The following TRIM64B variants were observed in gnomAD, a reference collection of about 807,000 sequenced individuals.
TRIM64B encodes the protein tripartite motif containing 64B.
For synonymous variants in TRIM64B, 17 were observed against 190.3 expected (o/e 0.09, Z 7.50); for missense variants, 57 against 536.4 (o/e 0.11, Z 8.83).
chr11:89,876,772 C>A (rs1950167581), upstream of TRIM64B, among the ~76,000 whole-genome samples: 1 of 149,444 alleles, frequency 6.7e-6, no homozygotes, highest in East Asian at 2.0e-4. Flanking sequence ...TTTTTTCTCC[C>A]TGTAAATATT....
intron 1 of TRIM64B, among the ~76,000 whole-genome samples, chr11:89,875,406 C>A (rs1184424626): frequency 6.6e-6 from 1 of 152,304 alleles, no homozygotes; most frequent in Non-Finnish European, 1.5e-5. Flanking sequence ...CTAAGGAGAC[C>A]TCCTTTAGTG....
At chr11:89,873,073 T>C (rs1208776753) in intron 4 of TRIM64B, among the ~76,000 whole-genome samples, 195 bp downstream of exon 5, 2 of 152,130 alleles carry the variant, frequency 1.3e-5, no homozygotes, top group African/African-American at 4.8e-5. Flanking sequence ...GCAAATTGTT[T>C]TTATGTATGT....
upstream of TRIM64B, among the ~76,000 whole-genome samples, chr11:89,877,615 T>TTTTTC (rs1950173430): frequency 2.0e-5 from 3 of 147,444 alleles, no homozygotes; most frequent in African/African-American, 7.5e-5. Context: ...TTTTCTTTTT[T>TTTTTC]TTTTTTTTTT....
At chr11:89,875,939 T>A in exon 1 of TRIM64B, 1 of 1,545,512 alleles carries the variant, frequency 6.5e-7, no homozygotes, top group Non-Finnish European at 8.7e-7. Flanking sequence ...CAGTCAATGG[T>A]GACCGGATCT....
At chr11:89,876,721 C>CAAAA (rs57069977), upstream of TRIM64B, among the ~76,000 whole-genome samples, 2 of 106,070 alleles carry the variant, frequency 1.9e-5, no homozygotes, top group Non-Finnish European at 2.1e-5. Context: ...GACTCTGTCT[C>CAAAA]AAAAAAAAAA....
At chr11:89,872,704 T>C (rs1281523228) in intron 4 of TRIM64B, among the ~76,000 whole-genome samples, 1 of 151,794 alleles carries the variant, frequency 6.6e-6, no homozygotes, top group South Asian at 2.1e-4. Context: ...TAACAGAGAA[T>C]GTTCACTGAG....
At chr11:89,876,279 T>G (rs1215117481), upstream of TRIM64B, among the ~76,000 whole-genome samples, 23 of 142,342 alleles carry the variant, frequency 1.6e-4, no homozygotes, top group African/African-American at 5.5e-4. Flanking sequence ...TTCAAGTCTC[T>G]TATTAGTAAA....
At chr11:89,877,141 TCAGA>T (rs1192799152), upstream of TRIM64B, among the ~76,000 whole-genome samples, 1 of 120,762 alleles carries the variant, frequency 8.3e-6, no homozygotes, top group Non-Finnish European at 1.8e-5. Flanking sequence ...TGAAGTTTGC[TCAGA>T]CAATTATAAA....
At chr11:89,875,385 G>T (rs1199680351) in intron 1 of TRIM64B, among the ~76,000 whole-genome samples, 3 of 152,384 alleles carry the variant, frequency 2.0e-5, no homozygotes, top group Admixed American at 2.0e-4. Context: ...CTACACGTTT[G>T]AACAATGTTT....
At chr11:89,871,419 A>C (rs1451581478) in intron 5 of TRIM64B, among the ~76,000 whole-genome samples, 1 of 152,214 alleles carries the variant, frequency 6.6e-6, no homozygotes, top group Non-Finnish European at 1.5e-5. Context: ...TTCAATAGAA[A>C]ACTCTCCTTG....
upstream of TRIM64B, among the ~76,000 whole-genome samples, chr11:89,876,329 A>G (rs1198296999): frequency 6.9e-6 from 1 of 145,742 alleles, no homozygotes; most frequent in Non-Finnish European, 1.5e-5. Flanking sequence ...ATCCTCCTGA[A>G]TACTTTATGT....
At chr11:89,876,498 G>A (rs1315461352), upstream of TRIM64B, among the ~76,000 whole-genome samples, 8 of 149,518 alleles carry the variant, frequency 5.4e-5, no homozygotes, top group South Asian at 6.3e-4. Flanking sequence ...CGAGGCGGGC[G>A]GATCACGAGG....
upstream of TRIM64B, among the ~76,000 whole-genome samples, chr11:89,877,597 C>T (rs1234972757): frequency 6.8e-6 from 1 of 146,540 alleles, no homozygotes; most frequent in East Asian, 2.0e-4. Flanking sequence ...TTCTTTCTTT[C>T]TTTTTCTTTT....
chr11:89,877,683 G>A (rs1327917842), upstream of TRIM64B, among the ~76,000 whole-genome samples: 4 of 149,078 alleles, frequency 2.7e-5, no homozygotes, highest in South Asian at 2.1e-4. Flanking sequence ...GCAGTGGCAC[G>A]ATCTCAGCTT....
chr11:89,872,199 A>G lies in TRIM64B; in HGVS notation c.856+16T>C. 6.6e-7 allele frequency: 1 copy of G among 1,507,792 alleles called. No individual in the cohort carries two copies. Among genetic ancestry groups the G allele is most frequent in the Non-Finnish European group, 8.9e-7 (1 of 1,124,442 alleles). 93.4% of individuals were successfully genotyped at this position (1,507,792 alleles called of 1,614,324 possible). On this transcript the variant is annotated intron_variant, in intron 5 of 5. Transcript: ENST00000329862. Reference sequence around the variant, plus strand: ...GAAATAATTTGAGGCTGGAATGCCAAGCAGCTGGCTCTTACCTCTGAAGTT... The same window carrying G: ...GAAATAATTTGAGGCTGGAATGCCAGGCAGCTGGCTCTTACCTCTGAAGTT...
chr11:89,873,454 AG>A (rs1950132954), intron 3 of TRIM64B, among the ~76,000 whole-genome samples, 164 bp from the exon 5 acceptor site: 1 of 147,594 alleles, frequency 6.8e-6, no homozygotes, highest in Admixed American at 6.8e-5. Flanking sequence ...AACAATAAAA[AG>A]CTTCATCAGT....
chr11:89,878,159 T>A (rs1163550158), upstream of TRIM64B, among the ~76,000 whole-genome samples: 1 of 134,548 alleles, frequency 7.4e-6, no homozygotes, highest in Non-Finnish European at 1.6e-5. Context: ...TTAAGAAAAA[T>A]CTAACAATAC....
At chr11:89,877,952 T>C (rs1316516845), upstream of TRIM64B, among the ~76,000 whole-genome samples, 2 of 148,452 alleles carry the variant, frequency 1.3e-5, no homozygotes, top group African/African-American at 4.9e-5. Flanking sequence ...CTTTCAGATC[T>C]AGTCTGCAAA....
chr11:89,878,402 ACT>A (rs1218121621), upstream of TRIM64B, among the ~76,000 whole-genome samples: 1 of 134,096 alleles, frequency 7.5e-6, no homozygotes, highest in Admixed American at 7.8e-5. Context: ...CAGTCTAGAA[ACT>A]CTGTAGATAT....
Sources: gnomAD v4.1 joint callset for allele counts (sites outside exome capture counted in the v4.1 genomes callset) on GRCh38, gnomAD v4.1.1 for gene constraint, MANE v1.5 for transcripts, NCBI Gene and HGNC (gene_info 2026-07-23, HGNC 2026-07-21) for gene names.